Variants in CREB1 observed in about 807,000 individuals in gnomAD.
CREB1 encodes cyclic AMP-responsive element-binding protein 1.
CREB1 carries 2 observed loss-of-function variants against 42.0 expected under a neutral mutation model. The ratio of observed to expected loss-of-function variants is 0.05; its 90% CI spans 0.02 to 0.15. The LOEUF (loss-of-function observed/expected upper bound fraction) is 0.15. CREB1 is among the 10% of genes least tolerant of loss of function. The pLI is 1.00. For missense variants in CREB1, 199 were observed against 388.9 expected, an observed-to-expected ratio of 0.51 and a Z score of 4.11; for synonymous variants, 123 against 139.9, an observed-to-expected ratio of 0.88 and a Z score of 0.85.
chr2:207,571,421 A>C (rs1448724305), intron 5 of CREB1, among the ~76,000 whole-genome samples: 1 of 152,178 alleles, frequency 6.6e-6, no homozygotes, highest in Admixed American at 6.5e-5. Flanking sequence ...GCGTAACTCT[A>C]ATTTGCATTC....
intron 1 of CREB1, among the ~76,000 whole-genome samples, chr2:207,549,564 G>C (rs1188686089): frequency 1.3e-5 from 2 of 152,184 alleles, no homozygotes; most frequent in African/African-American, 4.8e-5. Context: ...GACATTTGAA[G>C]GATGTAAGAA....
chr2:207,566,545 T>G (rs2082147815), intron 3 of CREB1, among the ~76,000 whole-genome samples: 1 of 152,124 alleles, frequency 6.6e-6, no homozygotes, highest in Non-Finnish European at 1.5e-5. Context: ...ACAAACCTGG[T>G]TTGAGACTAT....
intron 7 of CREB1, among the ~76,000 whole-genome samples, chr2:207,581,180 G>T (rs1005289557): frequency 6.6e-6 from 1 of 152,146 alleles, no homozygotes; most frequent in African/African-American, 2.4e-5. Flanking sequence ...GAAAGTAAAA[G>T]ATAAAGTAGC....
rs750853370 is a variant in CREB1 at position 207,602,587 on chromosome 2, A to C, written c.*5529A>C. 13 of 212,144 alleles carry C rather than the reference A, an allele frequency of 6.1e-5. No individual in the cohort carries two copies. The highest frequency in any genetic ancestry group is 9.5e-5 in the Non-Finnish European group (10 of 104,748). 13.1% of individuals were successfully genotyped at this position (212,144 alleles called of 1,614,324 possible). A position where few individuals can be genotyped will look rare whatever the true frequency, so the allele number is the denominator to read the frequency against. ...TTAGCTTAAAAATTGGTAGGGAGGA[A>C]GAAAATCTCTGCAAATAATGATTTT... On this transcript the variant is annotated 3_prime_UTR_variant, in exon 8 of 8. Coordinates refer to ENST00000353267, the MANE Select transcript of CREB1 (RefSeq NM_004379.5).
At chr2:207,545,947 C>A (rs1297205109) in intron 1 of CREB1, among the ~76,000 whole-genome samples, 1 of 152,118 alleles carries the variant, frequency 6.6e-6, no homozygotes, top group Admixed American at 6.5e-5. Context: ...GTTGGCCAGG[C>A]TGGTCTTGAA....
intron 1 of CREB1, among the ~76,000 whole-genome samples, chr2:207,544,518 CATT>C (rs1327734512): frequency 6.6e-6 from 1 of 152,144 alleles, no homozygotes; most frequent in African/African-American, 2.4e-5. Context: ...TTTTATCTCT[CATT>C]AGTTTCTGTA....
intron 7 of CREB1, among the ~76,000 whole-genome samples, chr2:207,585,664 A>G (rs2083693178): frequency 6.6e-6 from 1 of 152,220 alleles, no homozygotes; most frequent in Non-Finnish European, 1.5e-5. Context: ...CAGAACACAG[A>G]TAGACAATAC....
At chr2:207,561,544 G>A (rs577857902) in intron 3 of CREB1, among the ~76,000 whole-genome samples, 51 of 152,024 alleles carry the variant, frequency 3.4e-4, no homozygotes, top group African/African-American at 1.2e-3. Flanking sequence ...TTCTATTCTC[G>A]GAAACTAGAT....
At position 207,600,384 on chromosome 2, in the gene CREB1, T is replaced by C. The variant is rs1181226623; in HGVS notation, c.*3326T>C. On this transcript the variant is annotated 3_prime_UTR_variant, in exon 8 of 8. Coordinates refer to ENST00000353267, the MANE Select transcript of CREB1 (RefSeq NM_004379.5). ...TGTTCTGTTGCATTCCTTCTGGTAG[T>C]TTCTATGACTGCATTACTCCAGCAC... 2 of 190,798 alleles carry C rather than the reference T, an allele frequency of 1.0e-5. No individual in the cohort carries two copies. The highest frequency in any genetic ancestry group is 2.2e-5 in the Non-Finnish European group (2 of 91,046). 11.8% of individuals were successfully genotyped at this position (190,798 alleles called of 1,614,324 possible).
In CREB1 at chr2:207,549,009, T is replaced by C. The variant is rs901589069; in HGVS notation, c.-8-6619T>C. Among the ~76,000 whole-genome samples the C allele has an allele frequency of 1.4e-4, 22 of 152,190 alleles. 1 individual carries two copies. Among genetic ancestry groups the C allele is most frequent in the Admixed American group, 8.5e-4 (13 of 15,276 alleles). On this transcript the variant is annotated intron_variant, in intron 1 of 7. Coordinates refer to ENST00000353267, the MANE Select transcript of CREB1 (RefSeq NM_004379.5). ...ATTGGAGGCTGAAATAAGGATTTGT[T>C]CTCTGTTAAAAGCAGAAAGACCTTG... is the stretch of plus-strand genomic sequence containing the variant.
At chr2:207,557,731 T>C (rs1299159399) in intron 2 of CREB1, among the ~76,000 whole-genome samples, 1 of 152,172 alleles carries the variant, frequency 6.6e-6, no homozygotes, top group East Asian at 1.9e-4. Flanking sequence ...AACAAAAATA[T>C]TAAAAGTGAT....
chr2:207,578,905 C>T (rs770730488), intron 7 of CREB1, among the ~76,000 whole-genome samples: 1 of 152,078 alleles, frequency 6.6e-6, no homozygotes, highest in Non-Finnish European at 1.5e-5. Flanking sequence ...ATTCTCCTGC[C>T]TCAACCTCCC....
chr2:207,555,041 C>T (rs2081659916), intron 1 of CREB1, among the ~76,000 whole-genome samples: 1 of 152,158 alleles, frequency 6.6e-6, no homozygotes, highest in Non-Finnish European at 1.5e-5. Flanking sequence ...CATGCTACTG[C>T]ACTCCAGTCT....
chr2:207,570,065 T>C lies in CREB1; in HGVS notation c.363-114T>C, dbSNP rs1448456164. The C allele has an allele frequency of 1.8e-5, 8 of 436,538 alleles. No individual in the cohort carries two copies. The Admixed American group carries it at 3.3e-4, about 18-fold the overall frequency. 27.0% of individuals were successfully genotyped at this position (436,538 alleles called of 1,614,324 possible). A position where few individuals can be genotyped will look rare whatever the true frequency, so the allele number is the denominator to read the frequency against. Reference sequence around the variant, plus strand: ...CAAAAAAAAAAAAAAAAAAAAAACCTTCTGTCCTAAGCACTAGCAGCTTTC... The same window carrying C: ...CAAAAAAAAAAAAAAAAAAAAAACCCTCTGTCCTAAGCACTAGCAGCTTTC... On this transcript the variant is annotated intron_variant, in intron 4 of 7. Coordinates refer to ENST00000353267, the MANE Select transcript of CREB1 (RefSeq NM_004379.5).
At chr2:207,542,419 A>T (rs2081132269) in intron 1 of CREB1, among the ~76,000 whole-genome samples, 3 of 152,150 alleles carry the variant, frequency 2.0e-5, no homozygotes, top group Admixed American at 2.0e-4. Context: ...TTCCCTCACG[A>T]CTAATGATAT....
chr2:207,538,587 G>A (rs756917988), intron 1 of CREB1, among the ~76,000 whole-genome samples: 13 of 152,176 alleles, frequency 8.5e-5, no homozygotes, highest in African/African-American at 2.4e-4. Flanking sequence ...TAAAAGGGGC[G>A]AGGTTTTGAG....
chr2:207,560,784 C>A (rs1488867109), intron 3 of CREB1, among the ~76,000 whole-genome samples: 1 of 152,124 alleles, frequency 6.6e-6, no homozygotes, highest in African/African-American at 2.4e-5. Flanking sequence ...TATTATTTGA[C>A]CTTAGAGATT....
chr2:207,529,969 G>C lies in CREB1; in HGVS notation c.-174G>C, dbSNP rs1175511511. ...CCCTGGCTGCGGCTCCTCAGTCGGC[G>C]GCGGCTGCTGCTGCCTGTGGCCCGG... On this transcript the variant is annotated 5_prime_UTR_variant, in exon 1 of 8. Coordinates refer to ENST00000353267, the MANE Select transcript of CREB1 (RefSeq NM_004379.5). 1 of 156,124 alleles carries C rather than the reference G, an allele frequency of 6.4e-6. No individual in the cohort carries two copies. Among genetic ancestry groups the C allele is most frequent in the East Asian group, 1.9e-4 (1 of 5,296 alleles). The allele number at this position is 156,124 out of a possible 1,614,324, so 9.7% of individuals were successfully genotyped here.
Position 207,567,754 on chromosome 2 carries a change from C to T in CREB1, c.362+191C>T, listed in dbSNP as rs1360424169. 1.0e-5 allele frequency: 4 copies of T among 398,278 alleles called. No homozygotes were observed. In the East Asian group the frequency reaches 1.1e-4, roughly 11 times the overall value. The allele number at this position is 398,278 out of a possible 1,614,324, so 24.7% of individuals were successfully genotyped here. ...ATAAGAAGAGCACTTGTTACTCTCA[C>T]CAGTCCTAATTTTTTTTTTTTCTGT... is the stretch of plus-strand genomic sequence containing the variant. On this transcript the variant is annotated intron_variant, in intron 4 of 7. Coordinates refer to ENST00000353267, the MANE Select transcript of CREB1 (RefSeq NM_004379.5).
Sources: gnomAD v4.1 joint callset for allele counts (sites outside exome capture counted in the v4.1 genomes callset) on GRCh38, gnomAD v4.1.1 for gene constraint, MANE v1.5 for transcripts, NCBI Gene and HGNC (gene_info 2026-07-23, HGNC 2026-07-21) for gene names.